The following MEIS1 variants were observed in gnomAD, a reference collection of about 807,000 sequenced individuals.
MEIS1 encodes Meis homeobox 1.
In MEIS1, 5 loss-of-function variants were observed where a neutral mutation model predicts 50.8. The ratio of observed to expected loss-of-function variants is 0.10; its 90% CI spans 0.05 to 0.21. MEIS1 has a LOEUF of 0.21. Among genes scored for constraint, MEIS1 ranks in the 10% least tolerant of loss-of-function variants. The probability of loss-of-function intolerance (pLI) is 1.00; values close to 1 mark genes in which losing one functional copy is unlikely to be tolerated. For synonymous variants in MEIS1, 176 were observed against 179.3 expected, an observed-to-expected ratio of 0.98 and a Z score of 0.15; for missense variants, 318 against 517.3, an observed-to-expected ratio of 0.61 and a Z score of 3.74.
chr2:66,488,675 C>G (rs1302678666), intron 7 of MEIS1, among the ~76,000 whole-genome samples: 1 of 152,024 alleles, frequency 6.6e-6, no homozygotes, highest in Non-Finnish European at 1.5e-5. Context: ...GAGACTCCAT[C>G]TCAAAAAAAG....
intron 7 of MEIS1, among the ~76,000 whole-genome samples, chr2:66,469,833 G>A (rs6732178): frequency 0.061 from 9,284 of 151,832 alleles, 951 homozygotes; most frequent in African/African-American, 0.21. Context: ...AAAAACTACC[G>A]TAGCGACTCA....
chr2:66,486,680 T>G (rs1673150335), intron 7 of MEIS1, among the ~76,000 whole-genome samples: 1 of 152,230 alleles, frequency 6.6e-6, no homozygotes, highest in African/African-American at 2.4e-5. Flanking sequence ...ATCTATAAAT[T>G]ACTTTGGGCA....
intron 7 of MEIS1, among the ~76,000 whole-genome samples, chr2:66,465,609 C>T (rs554960232): frequency 6.6e-6 from 1 of 152,058 alleles, no homozygotes; most frequent in South Asian, 2.1e-4. Context: ...TTCCTGTAGC[C>T]CAAAATTGCT....
chr2:66,453,412 C>T (rs1031574407), intron 6 of MEIS1, among the ~76,000 whole-genome samples: 4 of 152,054 alleles, frequency 2.6e-5, no homozygotes, highest in Admixed American at 2.6e-4. Context: ...CTGGAATTCA[C>T]AGTTGCTTTG....
At chr2:66,509,134 C>G (rs769327016) in intron 7 of MEIS1, 6 of 442,042 alleles carry the variant, frequency 1.4e-5, no homozygotes, top group South Asian at 1.0e-4. Flanking sequence ...GTACAATTGA[C>G]CATTTAGACT....
chr2:66,448,760 A>C (rs530363835), intron 6 of MEIS1, among the ~76,000 whole-genome samples: 22 of 152,296 alleles, frequency 1.4e-4, no homozygotes, highest in African/African-American at 5.3e-4. Context: ...GCATACAGCC[A>C]AATTGCTATA....
chr2:66,554,223 A>G (rs759877046), intron 9 of MEIS1, among the ~76,000 whole-genome samples: 16 of 152,230 alleles, frequency 1.1e-4, no homozygotes, highest in Non-Finnish European at 2.2e-4. Flanking sequence ...TTTCAAGGCA[A>G]TGAAACCAGT....
At chr2:66,548,398 G>A (rs1674843233) in intron 9 of MEIS1, among the ~76,000 whole-genome samples, 1 of 152,154 alleles carries the variant, frequency 6.6e-6, no homozygotes, top group South Asian at 2.1e-4. Flanking sequence ...ATATCAGTCA[G>A]GTTTAAATTC....
chr2:66,559,837 C>T (rs1675167557), intron 9 of MEIS1, among the ~76,000 whole-genome samples: 1 of 152,048 alleles, frequency 6.6e-6, no homozygotes, highest in Admixed American at 6.6e-5. Flanking sequence ...CATTCTGTTG[C>T]CTAGGCCGGA....
intron 8 of MEIS1, among the ~76,000 whole-genome samples, chr2:66,520,543 G>A (rs919475556): frequency 3.3e-5 from 5 of 151,544 alleles, no homozygotes; most frequent in Non-Finnish European, 5.9e-5. Context: ...AAATGAATTC[G>A]TTGAAAAAAT....
intron 8 of MEIS1, among the ~76,000 whole-genome samples, chr2:66,543,016 A>G (rs1455117006): frequency 6.6e-6 from 1 of 152,188 alleles, no homozygotes; most frequent in Non-Finnish European, 1.5e-5. Flanking sequence ...CTTTCAATGT[A>G]TTGTAAACTT....
chr2:66,472,210 A>G (rs1672777720), intron 7 of MEIS1, among the ~76,000 whole-genome samples: 1 of 152,246 alleles, frequency 6.6e-6, no homozygotes, highest in South Asian at 2.1e-4. Context: ...AAATAAGGAG[A>G]GAATTCATTG....
At chr2:66,482,517 C>A (rs1277367556) in intron 7 of MEIS1, among the ~76,000 whole-genome samples, 2 of 152,174 alleles carry the variant, frequency 1.3e-5, no homozygotes, top group Non-Finnish European at 2.9e-5. Flanking sequence ...TCTACCAGTT[C>A]TCTCTCTCTG....
chr2:66,438,639 T>C (rs1447368527), intron 2 of MEIS1, among the ~76,000 whole-genome samples: 2 of 152,150 alleles, frequency 1.3e-5, no homozygotes, highest in East Asian at 1.9e-4. Flanking sequence ...TCCTCGGAGG[T>C]TGTTTTCTGG....
intron 6 of MEIS1, among the ~76,000 whole-genome samples, chr2:66,455,860 A>G (rs949127954): frequency 6.6e-6 from 1 of 152,172 alleles, no homozygotes; most frequent in Admixed American, 6.5e-5. Flanking sequence ...ATTTTTTAAC[A>G]TTCTTTTGCC....
chr2:66,505,577 A>T (rs932093557), intron 7 of MEIS1, among the ~76,000 whole-genome samples: 2 of 152,136 alleles, frequency 1.3e-5, no homozygotes, highest in African/African-American at 4.8e-5. Flanking sequence ...TGAGGATCAA[A>T]TTGTCTGCTT....
intron 7 of MEIS1, among the ~76,000 whole-genome samples, chr2:66,486,089 C>A (rs77908857): frequency 3.3e-5 from 5 of 152,176 alleles, no homozygotes; most frequent in Non-Finnish European, 5.9e-5. Flanking sequence ...TGTACAGAAG[C>A]TCTTCAGTTT....
At chr2:66,449,302 C>T (rs1036891849) in intron 6 of MEIS1, among the ~76,000 whole-genome samples, 4 of 152,032 alleles carry the variant, frequency 2.6e-5, no homozygotes, top group Middle Eastern at 6.8e-3. Context: ...ATACAGTCTC[C>T]CAATTTAAGT....
chr2:66,479,211 T>G (rs1672962617), intron 7 of MEIS1, among the ~76,000 whole-genome samples: 1 of 152,206 alleles, frequency 6.6e-6, no homozygotes, highest in African/African-American at 2.4e-5. Flanking sequence ...TGACCTTGAC[T>G]TTTTTCCACA....
Sources: allele counts gnomAD v4.1 joint callset (sites outside exome capture counted in the v4.1 genomes callset), GRCh38; gene constraint gnomAD v4.1.1; transcripts MANE v1.5; gene names NCBI Gene and HGNC (gene_info 2026-07-23, HGNC 2026-07-21).